SIL1: variants seen among roughly 807,000 people sequenced by gnomAD.
SIL1 encodes the protein SIL1 nucleotide exchange factor, also known as nucleotide exchange factor SIL1.
A neutral mutation model predicts 49.1 loss-of-function variants in SIL1; 40 were observed. That is an observed-to-expected ratio of 0.81 (90% CI 0.63 to 1.06). The LOEUF (loss-of-function observed/expected upper bound fraction) is 1.06, where lower values mean the gene tolerates loss of function less well. SIL1 is among the 50% of genes least tolerant of loss of function. SIL1 has a pLI of 0.00. For synonymous variants in SIL1, 253 were observed against 250.8 expected (o/e 1.01, Z -0.08); for missense variants, 500 against 572.6 (o/e 0.87, Z 1.29).
intron 7 of SIL1, among the ~76,000 whole-genome samples, chr5:138,990,536 C>T (rs955709767): frequency 2.0e-5 from 3 of 152,128 alleles, no homozygotes; most frequent in Non-Finnish European, 2.9e-5. Flanking sequence ...CTCACTGCAG[C>T]CTCGACCTCC....
In SIL1 at chr5:139,035,466, A is replaced by G. The variant is rs1003840992; in HGVS notation, c.453+7154T>C. Reference sequence around the variant, plus strand: ...CTGTCTGTTCTGAATGGCCAGTTTCACTGTAATCCTCAGACCCCTCCAGTC... The same window carrying G: ...CTGTCTGTTCTGAATGGCCAGTTTCGCTGTAATCCTCAGACCCCTCCAGTC... On this transcript the variant is annotated intron_variant, in intron 5 of 9. Coordinates refer to ENST00000394817, the MANE Select transcript of SIL1 (RefSeq NM_022464.5). 1.7e-5 allele frequency: 9 copies of G among 538,724 alleles called. No individual in the cohort carries two copies. In the East Asian group the frequency reaches 3.8e-4, roughly 23 times the overall value. The allele number at this position is 538,724 out of a possible 1,614,324, so 33.4% of individuals were successfully genotyped here. A position where few individuals can be genotyped will look rare whatever the true frequency, so the allele number is the denominator to read the frequency against.
chr5:139,180,092 G>A (rs911290292), intron 1 of SIL1, among the ~76,000 whole-genome samples: 4 of 148,738 alleles, frequency 2.7e-5, no homozygotes, highest in South Asian at 4.3e-4. Context: ...GGCCAGGCAC[G>A]GTGGCTCATG....
chr5:139,197,268 CAAA>C lies in SIL1; in HGVS notation c.-11+998_-11+1000del, dbSNP rs11363617. ...GAGAAACAAGAGCGAAACTCCGCCT[CAAA>C]AAAAAAAAAAAAAAAAAAAAACTGT... is the stretch of plus-strand genomic sequence containing the variant. On this transcript the variant is annotated intron_variant, in intron 1 of 9. Coordinates refer to ENST00000394817, the MANE Select transcript of SIL1 (RefSeq NM_022464.5). Among the ~76,000 whole-genome samples, 566 of 58,792 alleles carry C rather than the reference CAAA, an allele frequency of 9.6e-3. 5 individuals carry two copies. The highest frequency in any genetic ancestry group is 0.033 in the Middle Eastern group (3 of 92). 38.6% of individuals were successfully genotyped at this position (58,792 alleles called of 152,430 possible).
intron 3 of SIL1, among the ~76,000 whole-genome samples, chr5:139,099,771 T>A (rs931889424): frequency 6.6e-6 from 1 of 152,048 alleles, no homozygotes; most frequent in Admixed American, 6.5e-5. Context: ...ATGGTTACCA[T>A]AGGCTAGGAA....
intron 7 of SIL1, among the ~76,000 whole-genome samples, chr5:138,972,153 G>A (rs1021027222): frequency 6.6e-6 from 1 of 152,158 alleles, no homozygotes; most frequent in Non-Finnish European, 1.5e-5. Context: ...AGAATCATGA[G>A]GCTTCAGTTC....
chr5:139,104,579 A>C (rs1581102818), intron 3 of SIL1, among the ~76,000 whole-genome samples: 1 of 152,316 alleles, frequency 6.6e-6, no homozygotes, highest in East Asian at 1.9e-4. Context: ...CAACGTTACC[A>C]GTAACTCACT....
Position 139,129,980 on chromosome 5 carries a change from G to T in SIL1, c.-10-2127C>A, listed in dbSNP as rs762247484. Among the ~76,000 whole-genome samples the T allele has an allele frequency of 5.9e-4, 90 of 152,154 alleles. 3 individuals carry two copies. The Middle Eastern group carries it at 0.01, about 17-fold the overall frequency. The stretch of plus-strand genomic sequence containing the variant: ...ATTTGTAAATCACATCTCTGTTATG[G>T]GTATATTGTCCAGAATGTGTTGAGA... On this transcript the variant is annotated intron_variant, in intron 1 of 9. Transcript: ENST00000394817.
intron 4 of SIL1, among the ~76,000 whole-genome samples, chr5:139,049,820 C>T (rs960390577): frequency 6.6e-6 from 1 of 151,150 alleles, no homozygotes; most frequent in Admixed American, 6.6e-5. Flanking sequence ...AAATCATCAT[C>T]ATCATCATCC....
intron 1 of SIL1, among the ~76,000 whole-genome samples, chr5:139,171,012 A>G (rs1425185076): frequency 4.3e-5 from 5 of 115,276 alleles, no homozygotes; most frequent in African/African-American, 1.6e-4. Context: ...GCCTCTGCCC[A>G]GCCGCCCCTA....
intron 1 of SIL1, among the ~76,000 whole-genome samples, chr5:139,167,376 G>A (rs561637759): frequency 1.1e-3 from 163 of 152,318 alleles, no homozygotes; most frequent in African/African-American, 3.6e-3. Flanking sequence ...TGCCCCTGAA[G>A]ACCTTCCAGT....
chr5:139,026,763 T>A (rs1336060970), intron 6 of SIL1, 38 bp downstream of exon 6: 1 of 1,584,620 alleles, frequency 6.3e-7, no homozygotes, highest in South Asian at 1.1e-5. Context: ...TTTTTGGAGC[T>A]GTTAAAAGTC....
At chr5:139,135,642 G>A (rs1420192847) in intron 1 of SIL1, among the ~76,000 whole-genome samples, 1 of 147,798 alleles carries the variant, frequency 6.8e-6, no homozygotes, top group Non-Finnish European at 1.5e-5. Flanking sequence ...GGTGGAACAC[G>A]ACCTACTCCA....
At chr5:139,021,338 G>GA (rs777441527) in intron 6 of SIL1, 46 bp from the exon 7 acceptor site, 5 of 1,610,946 alleles carry the variant, frequency 3.1e-6, no homozygotes, top group Non-Finnish European at 4.2e-6. Flanking sequence ...TCAGGGACAG[G>GA]AAAGCTGTTC....
At chr5:139,102,653 C>T (rs1770617106) in intron 3 of SIL1, among the ~76,000 whole-genome samples, 1 of 152,008 alleles carries the variant, frequency 6.6e-6, no homozygotes, top group Non-Finnish European at 1.5e-5. Context: ...TCCTTCCCCT[C>T]CCATAGCACC....
intron 3 of SIL1, among the ~76,000 whole-genome samples, chr5:139,066,768 T>A (rs1769715423): frequency 6.6e-6 from 1 of 151,182 alleles, no homozygotes; most frequent in African/African-American, 2.4e-5. Flanking sequence ...TGCAGTGGTA[T>A]GATCACGGCT....
chr5:139,115,391 G>A (rs193274157), intron 3 of SIL1, among the ~76,000 whole-genome samples: 317 of 152,148 alleles, frequency 2.1e-3, no homozygotes, highest in African/African-American at 7.3e-3. Context: ...GGTGACTCTT[G>A]GTTGGAGGTT....
In SIL1 at chr5:139,026,146, T is replaced by C. The variant is rs1173826471; in HGVS notation, c.645+655A>G. 2.0e-5 allele frequency among the ~76,000 whole-genome samples: 3 copies of C among 152,356 alleles called. No individual in the cohort carries two copies. The East Asian group carries it at 5.8e-4, about 29-fold the overall frequency. The stretch of plus-strand genomic sequence containing the variant: ...ATTCTTACATCACCCTCTGGAGCCC[T>C]CATTACAATCTTAAATTATCTCATT... On this transcript the variant is annotated intron_variant, in intron 6 of 9. Transcript: ENST00000394817.
chr5:139,044,260 C>A (rs1769104742), intron 4 of SIL1, among the ~76,000 whole-genome samples: 1 of 152,168 alleles, frequency 6.6e-6, no homozygotes, highest in Non-Finnish European at 1.5e-5. Flanking sequence ...TCATCCACTG[C>A]CAATGTGTGA....
chr5:139,143,312 C>CATGTGTATATACATATATAT (rs1561878655), intron 1 of SIL1, among the ~76,000 whole-genome samples: 1 of 56,712 alleles, frequency 1.8e-5, no homozygotes, highest in African/African-American at 6.4e-5. Flanking sequence ...TATATACACA[C>CATGTGTATATACATATATAT]ACACACACAC....
Sources: gnomAD v4.1 joint callset for allele counts (sites outside exome capture counted in the v4.1 genomes callset) on GRCh38, gnomAD v4.1.1 for gene constraint, MANE v1.5 for transcripts, NCBI Gene and HGNC (gene_info 2026-07-23, HGNC 2026-07-21) for gene names.